The following ADAM12 variants were observed in gnomAD, a reference collection of about 807,000 sequenced individuals.
The protein encoded by ADAM12 is disintegrin and metalloproteinase domain-containing protein 12.
Under a neutral mutation model 106.4 loss-of-function variants are expected in ADAM12, and 70 were observed. The ratio of observed to expected loss-of-function variants is 0.66; its 90% CI spans 0.54 to 0.80. ADAM12 has a LOEUF of 0.80. ADAM12 is among the 30% of genes least tolerant of loss of function. The pLI is 0.00. For synonymous variants in ADAM12, 420 were observed against 433.5 expected, an observed-to-expected ratio of 0.97 and a Z score of 0.39; for missense variants, 1,010 against 1,171.9, an observed-to-expected ratio of 0.86 and a Z score of 2.02.
At chr10:126,196,110 T>C (rs1420678111) in intron 3 of ADAM12, among the ~76,000 whole-genome samples, 2 of 152,138 alleles carry the variant, frequency 1.3e-5, no homozygotes, top group African/African-American at 4.8e-5. Context: ...GTCTGCAAAG[T>C]CTGAGATGTT....
At chr10:126,022,883 C>T (rs571606857) in intron 21 of ADAM12, among the ~76,000 whole-genome samples, 1 of 152,314 alleles carries the variant, frequency 6.6e-6, no homozygotes, top group African/African-American at 2.4e-5. Flanking sequence ...TAGGGCTGTT[C>T]CATTCTTCTA....
intron 11 of ADAM12, among the ~76,000 whole-genome samples, chr10:126,072,178 T>A (rs1955010088): frequency 6.6e-6 from 1 of 152,164 alleles, no homozygotes; most frequent in Non-Finnish European, 1.5e-5. Flanking sequence ...AGTCCCTATC[T>A]TCCCCCAGCA....
rs1015068144 is a variant in ADAM12 at position 126,064,990 on chromosome 10, T to C, written c.1425A>G (p.Ala475=). The C allele has an allele frequency of 6.2e-7, 1 of 1,610,588 alleles. No individual in the cohort carries two copies. The highest frequency in any genetic ancestry group is 1.3e-5 in the African/African-American group (1 of 74,888). Residue 475 remains alanine, a synonymous_variant, in exon 14 of 23, where the codon GCA becomes GCG. Coordinates refer to ENST00000448723, the MANE Select transcript of ADAM12 (RefSeq NM_001288973.2). The surrounding 1 kb of genome is among the most constrained non-coding windows in gnomAD (Gnocchi z 4.4). ...LCCEDCQLKP[A]GTACRDSSNS... ...TGCTGGAGTCCCTGCACGCTGTTCC[T>C]GCAGGCTTCAGCTGGAAGGAGAGGG...
chr10:126,292,799 T>C (rs572069435), intron 2 of ADAM12, among the ~76,000 whole-genome samples: 1 of 152,322 alleles, frequency 6.6e-6, no homozygotes, highest in African/African-American at 2.4e-5. Context: ...GAATTTCCCA[T>C]CATTTTATGT....
chr10:126,252,169 TGATG>T (rs1201016319), intron 3 of ADAM12, among the ~76,000 whole-genome samples: 4 of 5,032 alleles, frequency 7.9e-4, no homozygotes. Flanking sequence ...GATGGATGGA[TGATG>T]GATGGACTCA....
chr10:126,278,749 C>A (rs1424121622), intron 3 of ADAM12, among the ~76,000 whole-genome samples, 166 bp downstream of exon 3: 1 of 152,034 alleles, frequency 6.6e-6, no homozygotes, highest in African/African-American at 2.4e-5. Context: ...TTTATTTTTC[C>A]ATTAGATAAT....
chr10:126,012,731 G>C lies in ADAM12; in HGVS notation c.*4548C>G, dbSNP rs1953591003. 1 of 152,226 alleles carries C rather than the reference G, an allele frequency of 6.6e-6. No individual in the cohort carries two copies. Among genetic ancestry groups the C allele is most frequent in the African/African-American group, 2.4e-5 (1 of 41,470 alleles). The allele number at this position is 152,226 out of a possible 1,614,324, so 9.4% of individuals were successfully genotyped here. ...ATTTGACCTGATGGGAGGGACAGGA[G>C]AATGAGTCACTCTGCCACCACTTTT... On this transcript the variant is annotated 3_prime_UTR_variant, in exon 23 of 23. Coordinates refer to ENST00000448723, the MANE Select transcript of ADAM12 (RefSeq NM_001288973.2).
chr10:126,129,775 C>T (rs1956271179), intron 5 of ADAM12, among the ~76,000 whole-genome samples: 1 of 152,200 alleles, frequency 6.6e-6, no homozygotes, highest in African/African-American at 2.4e-5. Flanking sequence ...GGCTGAACTC[C>T]TTTTTACGAC....
chr10:126,276,189 C>T (rs1259459444), intron 3 of ADAM12, among the ~76,000 whole-genome samples: 3 of 152,228 alleles, frequency 2.0e-5, no homozygotes, highest in East Asian at 3.9e-4. Context: ...GGTGTTGGAG[C>T]GGTATACTAA....
At chr10:126,223,694 C>G (rs759210791) in intron 3 of ADAM12, among the ~76,000 whole-genome samples, 1 of 152,160 alleles carries the variant, frequency 6.6e-6, no homozygotes, top group Non-Finnish European at 1.5e-5. Context: ...ATGCCAGGCT[C>G]AGGGACAGAC....
intron 1 of ADAM12, among the ~76,000 whole-genome samples, chr10:126,338,410 G>A (rs1346171663): frequency 6.6e-6 from 1 of 151,236 alleles, no homozygotes; most frequent in Non-Finnish European, 1.5e-5. Flanking sequence ...CCGCCACTAC[G>A]CCCGGCTAAT....
chr10:126,097,062 A>G (rs1405197665), intron 10 of ADAM12, among the ~76,000 whole-genome samples: 3 of 152,244 alleles, frequency 2.0e-5, no homozygotes, highest in African/African-American at 4.8e-5. Context: ...AGCACCGCAC[A>G]GCAGCAGAAC....
chr10:126,206,863 G>T lies in ADAM12; in HGVS notation c.261-51558C>A, dbSNP rs931771414. Among the ~76,000 whole-genome samples, 7 of 148,050 alleles carry T rather than the reference G, an allele frequency of 4.7e-5. 1 individual carries two copies. The East Asian group carries it at 6.0e-4, about 13-fold the overall frequency. ...GAATTCCCATGTGTTGTGGGGGCGG[G>T]GGGGAGCCAGTGGGAGGTAATTGAA... On this transcript the variant is annotated intron_variant, in intron 3 of 22. Coordinates refer to ENST00000448723, the MANE Select transcript of ADAM12 (RefSeq NM_001288973.2).
At chr10:126,269,904 T>A (rs990887081) in intron 3 of ADAM12, among the ~76,000 whole-genome samples, 1 of 152,222 alleles carries the variant, frequency 6.6e-6, no homozygotes. Flanking sequence ...GTTTAGGCAC[T>A]TTCAAGTTAA....
At chr10:126,180,005 C>T (rs1454611056) in intron 3 of ADAM12, among the ~76,000 whole-genome samples, 2 of 152,108 alleles carry the variant, frequency 1.3e-5, no homozygotes, top group Non-Finnish European at 2.9e-5. Context: ...ACGTATTCTT[C>T]AAAGAAAACT....
At chr10:126,197,568 A>C (rs1014276045) in intron 3 of ADAM12, among the ~76,000 whole-genome samples, 4 of 152,210 alleles carry the variant, frequency 2.6e-5, no homozygotes, top group Non-Finnish European at 4.4e-5. Flanking sequence ...GATGGAATGG[A>C]AGTCAGGGAA....
At chr10:126,342,868 C>T (rs1795768329) in intron 1 of ADAM12, among the ~76,000 whole-genome samples, 2 of 151,204 alleles carry the variant, frequency 1.3e-5, no homozygotes, top group Admixed American at 1.3e-4. Flanking sequence ...CACAGTGTAG[C>T]ACCATAAATC....
chr10:126,027,559 C>T (rs192797073), intron 21 of ADAM12, among the ~76,000 whole-genome samples: 78 of 152,216 alleles, frequency 5.1e-4, no homozygotes, highest in African/African-American at 1.2e-3. Flanking sequence ...AAGGTTGGTT[C>T]GGGATATGCA....
At chr10:126,171,614 A>G (rs1957122459) in intron 3 of ADAM12, among the ~76,000 whole-genome samples, 1 of 152,194 alleles carries the variant, frequency 6.6e-6, no homozygotes, top group Non-Finnish European at 1.5e-5. Context: ...TGTCTTGCGT[A>G]TGGGACAAAA....
Sources: allele counts gnomAD v4.1 joint callset (sites outside exome capture counted in the v4.1 genomes callset), GRCh38; gene constraint gnomAD v4.1.1; non-coding constraint Gnocchi (gnomAD v3.1); transcripts MANE v1.5; gene names NCBI Gene and HGNC (gene_info 2026-07-23, HGNC 2026-07-21).